Variants in SPAG1 observed in about 807,000 individuals in gnomAD.
SPAG1 encodes the protein sperm-associated antigen 1.
Under a neutral mutation model 100.5 loss-of-function variants are expected in SPAG1, and 69 were observed. The observed-to-expected ratio is 0.69, with a 90% CI of 0.57 to 0.84. The LOEUF (loss-of-function observed/expected upper bound fraction) is 0.84. Among genes scored for constraint, SPAG1 ranks in the 40% least tolerant of loss-of-function variants. The pLI, the probability that SPAG1 is intolerant of heterozygous loss-of-function variation, is 0.00. For missense variants in SPAG1, 955 were observed against 1,133.1 expected (o/e 0.84, Z 2.26); for synonymous variants, 336 against 411.6 (o/e 0.82, Z 2.22).
At chr8:100,238,560 G>A (rs1361592185) in intron 16 of SPAG1, among the ~76,000 whole-genome samples, 1 of 152,132 alleles carries the variant, frequency 6.6e-6, no homozygotes, top group East Asian at 1.9e-4. Flanking sequence ...CTGACTTTGG[G>A]GCATCTGTCT....
intron 5 of SPAG1, among the ~76,000 whole-genome samples, 152 bp from the exon 6 acceptor site, chr8:100,183,801 TAAG>T (rs1816468401): frequency 2.0e-5 from 3 of 152,196 alleles, no homozygotes; most frequent in African/African-American, 7.2e-5. Context: ...TATGTTTTCT[TAAG>T]AAGGAACTCA....
chr8:100,172,632 A>ATGTGTGTGTG (rs1476386593), intron 3 of SPAG1, among the ~76,000 whole-genome samples: 5 of 93,832 alleles, frequency 5.3e-5, no homozygotes, highest in African/African-American at 9.4e-5. Flanking sequence ...AAAAAGAAAT[A>ATGTGTGTGTG]TATGTGTGTG....
intron 14 of SPAG1, among the ~76,000 whole-genome samples, chr8:100,226,706 A>C (rs976851055): frequency 1.3e-5 from 2 of 152,156 alleles, no homozygotes; most frequent in Admixed American, 6.5e-5. Context: ...CTGTCTCAAA[A>C]AAAAAAAATT....
chr8:100,170,661 T>C (rs905896424), intron 3 of SPAG1, among the ~76,000 whole-genome samples: 1 of 152,204 alleles, frequency 6.6e-6, no homozygotes, highest in African/African-American at 2.4e-5. Context: ...AATTGCTTTT[T>C]CATATTGACT....
At position 100,213,817 on chromosome 8, in the gene SPAG1, A is replaced by C. The variant is rs1817848548; in HGVS notation, c.1436-2A>C. On this transcript the variant is annotated splice_acceptor_variant, in intron 11 of 18. Coordinates refer to ENST00000388798, the MANE Select transcript of SPAG1 (RefSeq NM_003114.5). LOFTEE classifies it high-confidence loss of function. ...CTGTATTTAATTAAATGTGATTTTT[A>C]GGAAGTGAAATTGCAGATGATCTAA... 6.6e-7 allele frequency: 1 copy of C among 1,524,586 alleles called. No homozygotes were observed. The highest frequency in any genetic ancestry group is 1.4e-5 in the African/African-American group (1 of 72,826). 94.4% of individuals were successfully genotyped at this position (1,524,586 alleles called of 1,614,324 possible). A position where few individuals can be genotyped will look rare whatever the true frequency, so the allele number is the denominator to read the frequency against.
intron 16 of SPAG1, among the ~76,000 whole-genome samples, chr8:100,234,952 T>G (rs1818937220): frequency 6.6e-6 from 1 of 151,916 alleles, no homozygotes; most frequent in South Asian, 2.1e-4. Flanking sequence ...GGAAGGTAAG[T>G]GAGAGATCAC....
At chr8:100,231,777 G>A (rs1408895624) in intron 15 of SPAG1, among the ~76,000 whole-genome samples, 1 of 152,122 alleles carries the variant, frequency 6.6e-6, no homozygotes, top group Non-Finnish European at 1.5e-5. Flanking sequence ...GGCTAACACG[G>A]TGAAACCCCG....
At chr8:100,178,009 C>T in intron 4 of SPAG1, 68 bp downstream of exon 4, 2 of 1,394,142 alleles carry the variant, frequency 1.4e-6, no homozygotes, top group South Asian at 1.2e-5. Flanking sequence ...AAGGGGCAAT[C>T]TCAGTTTAAT....
At chr8:100,172,181 T>G (rs1815888750) in intron 3 of SPAG1, among the ~76,000 whole-genome samples, 1 of 152,216 alleles carries the variant, frequency 6.6e-6, no homozygotes, top group South Asian at 2.1e-4. Context: ...GTGTTTTTTA[T>G]TTTTTTAAAT....
At chr8:100,229,133 C>T (rs1479334958) in intron 14 of SPAG1, among the ~76,000 whole-genome samples, 1 of 152,152 alleles carries the variant, frequency 6.6e-6, no homozygotes, top group Non-Finnish European at 1.5e-5. Context: ...GTAGGCCGGG[C>T]GTGGTGGCTC....
Position 100,198,959 on chromosome 8 carries a change from C to A in SPAG1, c.1096+4691C>A, listed in dbSNP as rs143351639. On this transcript the variant is annotated intron_variant, in intron 10 of 18. Coordinates refer to ENST00000388798, the MANE Select transcript of SPAG1 (RefSeq NM_003114.5). ...TTGCATCTTGCATTAGTACTTCATTCCTTTTTATGTAGAAATAATATTCCA... is the reference window on the plus strand; with the variant it reads ...TTGCATCTTGCATTAGTACTTCATTACTTTTTATGTAGAAATAATATTCCA... 2.3e-3 allele frequency among the ~76,000 whole-genome samples: 344 copies of A among 152,280 alleles called. 2 individuals are homozygous for A. The highest frequency in any genetic ancestry group is 7.7e-3 in the African/African-American group (321 of 41,576).
At chr8:100,211,855 T>C (rs980151322) in intron 10 of SPAG1, among the ~76,000 whole-genome samples, 5 of 152,178 alleles carry the variant, frequency 3.3e-5, no homozygotes, top group African/African-American at 1.2e-4. Flanking sequence ...AGTGATAGCA[T>C]TGGTCAGACC....
intron 12 of SPAG1, among the ~76,000 whole-genome samples, chr8:100,219,803 T>C (rs1438067082): frequency 6.6e-6 from 1 of 152,232 alleles, no homozygotes; most frequent in Non-Finnish European, 1.5e-5. Flanking sequence ...CTTTGGTCTG[T>C]TTTTGAAGCC....
chr8:100,233,358 C>G, intron 15 of SPAG1, 53 bp from the exon 16 acceptor site: 1 of 1,600,322 alleles, frequency 6.2e-7, no homozygotes, highest in Non-Finnish European at 8.5e-7. Flanking sequence ...CTAAAACTTA[C>G]AGATAGCCAA....
At chr8:100,197,523 C>G (rs1817085429) in intron 10 of SPAG1, among the ~76,000 whole-genome samples, 1 of 152,160 alleles carries the variant, frequency 6.6e-6, no homozygotes, top group Admixed American at 6.5e-5. Context: ...AAAAGAGGTG[C>G]TGGAGCCTTG....
At chr8:100,171,848 A>G (rs142645768) in intron 3 of SPAG1, among the ~76,000 whole-genome samples, 23 of 152,232 alleles carry the variant, frequency 1.5e-4, no homozygotes, top group African/African-American at 3.9e-4. Context: ...TAAGAGAGTA[A>G]ATCTAGTTCC....
intron 12 of SPAG1, among the ~76,000 whole-genome samples, chr8:100,219,740 A>T (rs1818174484): frequency 6.6e-6 from 1 of 152,244 alleles, no homozygotes; most frequent in South Asian, 2.1e-4. Context: ...AACGTGCAAG[A>T]TGAAAATTCA....
intron 9 of SPAG1, among the ~76,000 whole-genome samples, chr8:100,192,889 G>C (rs1816873213): frequency 6.6e-6 from 1 of 152,050 alleles, no homozygotes; most frequent in African/African-American, 2.4e-5. Flanking sequence ...CTCCCAAAGT[G>C]CTAGGATTAC....
chr8:100,192,371 A>C (rs1816851885), intron 9 of SPAG1, among the ~76,000 whole-genome samples: 1 of 152,186 alleles, frequency 6.6e-6, no homozygotes, highest in Non-Finnish European at 1.5e-5. Flanking sequence ...GGATATAAGC[A>C]AACCTGCCCA....
Sources: allele counts gnomAD v4.1 joint callset (sites outside exome capture counted in the v4.1 genomes callset), GRCh38; gene constraint gnomAD v4.1.1; transcripts MANE v1.5; gene names NCBI Gene and HGNC (gene_info 2026-07-23, HGNC 2026-07-21).